The following PCDHGA9 variants were observed in gnomAD, a reference collection of about 807,000 sequenced individuals.
PCDHGA9 encodes protocadherin gamma subfamily A, 9.
PCDHGA9 carries 37 observed loss-of-function variants against 62.5 expected under a neutral mutation model. That is an observed-to-expected ratio of 0.59 (90% confidence interval 0.46 to 0.78). PCDHGA9 has a LOEUF of 0.78. PCDHGA9 is among the 30% of genes least tolerant of loss of function. PCDHGA9 has a pLI of 0.00. For synonymous variants in PCDHGA9, 459 were observed against 484.6 expected, an observed-to-expected ratio of 0.95 and a Z score of 0.69; for missense variants, 1,138 against 1,166.2, an observed-to-expected ratio of 0.98 and a Z score of 0.35.
rs755863653 is a variant in PCDHGA9 at position 141,422,228 on chromosome 5, TG to T, written c.2424+16853del. 2.3e-5 allele frequency: 36 copies of T among 1,565,448 alleles called. No individual in the cohort carries two copies. The Middle Eastern group carries it at 8.6e-4, about 37-fold the overall frequency. ...GGAGGTCTCTTTACCACCACGACGA[TG>T]TTGATCACTGTTGTGGATGTGAATG... On this transcript the variant is annotated intron_variant, in intron 1 of 3. Transcript: ENST00000573521.
chr5:141,472,980 C>CAAAAAAAAAAA (rs60579131), intron 1 of PCDHGA9, among the ~76,000 whole-genome samples: 11 of 86,030 alleles, frequency 1.3e-4, no homozygotes, highest in Non-Finnish European at 1.3e-4. Flanking sequence ...GAGTGAAACT[C>CAAAAAAAAAAA]AAAAAAAAAA....
chr5:141,449,569 A>G (rs1340921687), intron 1 of PCDHGA9, among the ~76,000 whole-genome samples: 2 of 148,390 alleles, frequency 1.3e-5, no homozygotes, highest in East Asian at 3.9e-4. Flanking sequence ...AGCCTGGGCG[A>G]CAGAGCAAGA....
At chr5:141,457,750 C>G (rs900052683) in intron 1 of PCDHGA9, among the ~76,000 whole-genome samples, 4 of 152,188 alleles carry the variant, frequency 2.6e-5, no homozygotes, top group African/African-American at 9.6e-5. Flanking sequence ...AAGCTGAGCC[C>G]AGACATGGGT....
At chr5:141,421,985 C>A (rs762388624) in intron 1 of PCDHGA9, 1 of 1,608,432 alleles carries the variant, frequency 6.2e-7, no homozygotes, top group East Asian at 2.2e-5. Flanking sequence ...GTGAGTGTTC[C>A]AGAAAACATC....
chr5:141,510,307 G>C (rs1250172295), intron 3 of PCDHGA9, among the ~76,000 whole-genome samples: 1 of 151,446 alleles, frequency 6.6e-6, no homozygotes, highest in African/African-American at 2.4e-5. Context: ...TTTTGAAATG[G>C]AGGCTTGGAA....
In PCDHGA9 at chr5:141,489,835, C is replaced by G; in HGVS notation, c.2425-4972C>G. On this transcript the variant is annotated intron_variant, in intron 1 of 3. Transcript: ENST00000573521. This position sits in a 1 kb window ranked among gnomAD's most constrained non-coding sequence, Gnocchi z 4.5. Reference sequence around the variant, plus strand: ...ATTCCCAGAGCTGGTGCTAGAGCAGCAGCTGGATCGTGAAGCCCAGGCAAG... The same window carrying G: ...ATTCCCAGAGCTGGTGCTAGAGCAGGAGCTGGATCGTGAAGCCCAGGCAAG... The G allele has an allele frequency of 6.2e-7, 1 of 1,614,164 alleles. No homozygotes were observed. Among genetic ancestry groups the G allele is most frequent in the Non-Finnish European group, 8.5e-7 (1 of 1,179,972 alleles).
chr5:141,501,852 A>G (rs922276780), intron 2 of PCDHGA9, among the ~76,000 whole-genome samples: 2 of 151,924 alleles, frequency 1.3e-5, no homozygotes, highest in African/African-American at 4.8e-5. Context: ...TCAACCTTCA[A>G]CCATTTCCCA....
chr5:141,495,817 T>G (rs2099764054), intron 2 of PCDHGA9, among the ~76,000 whole-genome samples: 1 of 152,110 alleles, frequency 6.6e-6, no homozygotes, highest in African/African-American at 2.4e-5. Context: ...TAGCGCCTTG[T>G]GTTCTTCTAT....
chr5:141,414,684 A>G (rs747750994), intron 1 of PCDHGA9: 6 of 1,613,806 alleles, frequency 3.7e-6, no homozygotes, highest in Non-Finnish European at 5.1e-6. Flanking sequence ...TCCAGGGGGT[A>G]CCTCTGTCCT....
At chr5:141,419,644 C>T (rs867285747) in intron 1 of PCDHGA9, 1 of 1,612,514 alleles carries the variant, frequency 6.2e-7, no homozygotes, top group Middle Eastern at 1.7e-4. Context: ...TGGCCGTGGA[C>T]GCGGACTCGG....
chr5:141,412,998 T>G, intron 1 of PCDHGA9: 1 of 586,036 alleles, frequency 1.7e-6, no homozygotes, highest in Non-Finnish European at 2.9e-6. Context: ...ATCCGGATTC[T>G]CAGGGCTTCA....
intron 1 of PCDHGA9, chr5:141,420,925 G>A: frequency 2.8e-6 from 1 of 355,536 alleles, no homozygotes; most frequent in Non-Finnish European, 5.1e-6. Context: ...TCACAAAGGT[G>A]AGCGTAATCA....
Position 141,476,373 on chromosome 5 carries a change from T to C in PCDHGA9, c.2425-18434T>C. 1 of 1,614,054 alleles carries C rather than the reference T, an allele frequency of 6.2e-7. No individual in the cohort carries two copies. Among genetic ancestry groups the C allele is most frequent in the Non-Finnish European group, 8.5e-7 (1 of 1,180,020 alleles). On this transcript the variant is annotated intron_variant, in intron 1 of 3. Transcript: ENST00000573521. This position sits in a 1 kb window ranked among gnomAD's most constrained non-coding sequence, Gnocchi z 7.6. ...GAGGTGAACCGGGAGACCGGAGAGA[T>C]GTTTGTGAACGACCGTCTGGATCGA...
intron 1 of PCDHGA9, among the ~76,000 whole-genome samples, chr5:141,481,950 T>C (rs1378337886): frequency 2.7e-5 from 4 of 146,216 alleles, no homozygotes; most frequent in Admixed American, 1.4e-4. Flanking sequence ...CCAGATGTGG[T>C]GGCAGGTGCC....
chr5:141,422,472 G>T, intron 1 of PCDHGA9: 2 of 1,613,680 alleles, frequency 1.2e-6, no homozygotes, highest in Non-Finnish European at 1.7e-6. Flanking sequence ...ACAGGGAGTT[G>T]GTCCAGAGCT....
intron 1 of PCDHGA9, among the ~76,000 whole-genome samples, chr5:141,448,196 A>G (rs753761675): frequency 1.3e-5 from 2 of 152,176 alleles, no homozygotes; most frequent in Non-Finnish European, 2.9e-5. Context: ...TACACTTACA[A>G]ACATTTTCTG....
At position 141,432,942 on chromosome 5, in the gene PCDHGA9, C is replaced by G. The variant is rs1346694514; in HGVS notation, c.2424+27566C>G. ...CACAAGTCACGCCTGCTGCAGGCTT[C>G]AGGAGGCGGCTTGACAGGAGCGCCG... On this transcript the variant is annotated intron_variant, in intron 1 of 3. Coordinates refer to ENST00000573521, the MANE Select transcript of PCDHGA9 (RefSeq NM_018921.3). The surrounding 1 kb of genome is among the most constrained non-coding windows in gnomAD (Gnocchi z 6.0). The G allele has an allele frequency of 1.2e-6, 2 of 1,614,190 alleles. No individual in the cohort carries two copies. Among genetic ancestry groups the G allele is most frequent in the Non-Finnish European group, 1.7e-6 (2 of 1,180,036 alleles).
rs199698737 is a variant in PCDHGA9, at chr5:141,438,639, C to T, written c.2424+33263C>T. On this transcript the variant is annotated intron_variant, in intron 1 of 3. Transcript: ENST00000573521. ...ATATATATATATATATATATATACA[C>T]ACACACACACACATATATGTATATA... 7.1e-3 allele frequency among the ~76,000 whole-genome samples: 359 copies of T among 50,816 alleles called. 1 individual carries two copies. Among genetic ancestry groups the T allele is most frequent in the South Asian group, 0.017 (27 of 1,588 alleles). The allele number at this position is 50,816 out of a possible 152,430, so 33.3% of individuals were successfully genotyped here.
chr5:141,474,967 T>G (rs745581213), intron 1 of PCDHGA9, among the ~76,000 whole-genome samples: 6 of 152,252 alleles, frequency 3.9e-5, no homozygotes, highest in Non-Finnish European at 7.3e-5. Context: ...TCCTAATCAT[T>G]ATAATTTTGT....
Sources: allele counts gnomAD v4.1 joint callset (sites outside exome capture counted in the v4.1 genomes callset), GRCh38; gene constraint gnomAD v4.1.1; non-coding constraint Gnocchi (gnomAD v3.1); transcripts MANE v1.5; gene names NCBI Gene and HGNC (gene_info 2026-07-23, HGNC 2026-07-21).